PDE11A: variants seen among roughly 807,000 people sequenced by gnomAD.
The protein encoded by PDE11A is dual 3',5'-cyclic-AMP and -GMP phosphodiesterase 11A.
In PDE11A, 100 loss-of-function variants were observed where a neutral mutation model predicts 100.5. The observed-to-expected ratio is 1.00, with a 90% CI of 0.85 to 1.18. The LOEUF is 1.18. Among genes scored for constraint, PDE11A ranks in the 50% most tolerant of loss-of-function variants. PDE11A has a pLI of 0.00. For synonymous variants in PDE11A, 381 were observed against 420.8 expected (o/e 0.91, Z 1.16); for missense variants, 1,141 against 1,152.6 (o/e 0.99, Z 0.15).
At chr2:177,850,276 A>C (rs927725558) in intron 5 of PDE11A, among the ~76,000 whole-genome samples, 23 of 152,286 alleles carry the variant, frequency 1.5e-4, no homozygotes, top group South Asian at 4.1e-4. Context: ...GAAAAACAAG[A>C]AATGGGGAAA....
chr2:178,053,603 A>G lies in PDE11A; in HGVS notation c.912+17923T>C, dbSNP rs575084780. ...CTGTTTGCAGATGAAATGATTGTAT[A>G]TTTAGAAAACCCCATCATCTCAGCC... On this transcript the variant is annotated intron_variant, in intron 1 of 19. Transcript: ENST00000286063. Among the ~76,000 whole-genome samples, 54 of 152,338 alleles carry G rather than the reference A, an allele frequency of 3.5e-4. 1 individual carries two copies. The South Asian group carries it at 0.011, about 30-fold the overall frequency.
rs190480931 is a variant in PDE11A, at chr2:178,043,604, T to C, written c.912+27922A>G. 9.4e-4 allele frequency among the ~76,000 whole-genome samples: 143 copies of C among 152,230 alleles called. 1 individual carries two copies. Among genetic ancestry groups the C allele is most frequent in the African/African-American group, 3.3e-3 (136 of 41,558 alleles). ...GTGATCAGTTTAAACTGCAAAGAAA[T>C]TGAGGCAATTATAAGACTTATTGAT... On this transcript the variant is annotated intron_variant, in intron 1 of 19. Coordinates refer to ENST00000286063, the MANE Select transcript of PDE11A (RefSeq NM_016953.4).
chr2:177,787,181 G>C (rs1394652410), intron 9 of PDE11A, among the ~76,000 whole-genome samples: 1 of 147,008 alleles, frequency 6.8e-6, no homozygotes, highest in Non-Finnish European at 1.5e-5. Flanking sequence ...CAGACTAACA[G>C]CGGATCTCTC....
chr2:177,934,414 G>A (rs1376938878), intron 2 of PDE11A, among the ~76,000 whole-genome samples: 2 of 152,122 alleles, frequency 1.3e-5, no homozygotes, highest in Non-Finnish European at 2.9e-5. Context: ...TCAAAGAAAT[G>A]CAAATCAAAA....
At chr2:177,695,863 T>C (rs1480538012) in intron 15 of PDE11A, among the ~76,000 whole-genome samples, 1 of 152,166 alleles carries the variant, frequency 6.6e-6, no homozygotes, top group African/African-American at 2.4e-5. Flanking sequence ...ACAGTGCTTT[T>C]CAAAGGGAGT....
intron 6 of PDE11A, among the ~76,000 whole-genome samples, chr2:177,837,334 A>T (rs1419686855): frequency 3.3e-5 from 5 of 152,196 alleles, no homozygotes; most frequent in African/African-American, 7.2e-5. Flanking sequence ...GTCAGTAACA[A>T]ACTTTGCTGC....
At chr2:177,895,036 C>T (rs1475988379) in intron 4 of PDE11A, among the ~76,000 whole-genome samples, 1 of 151,990 alleles carries the variant, frequency 6.6e-6, no homozygotes, top group Non-Finnish European at 1.5e-5. Context: ...TTGTATTTTC[C>T]CTGGGCCACT....
At chr2:177,984,773 G>A (rs1413482530) in intron 2 of PDE11A, among the ~76,000 whole-genome samples, 1 of 152,220 alleles carries the variant, frequency 6.6e-6, no homozygotes, top group Non-Finnish European at 1.5e-5. Flanking sequence ...AGAGGTATAA[G>A]TTAATTTGCC....
intron 2 of PDE11A, among the ~76,000 whole-genome samples, chr2:177,945,691 G>C (rs78643001): frequency 6.6e-6 from 1 of 151,122 alleles, no homozygotes; most frequent in African/African-American, 2.4e-5. Context: ...GGTGAGGAGC[G>C]TCTCCGCCCG....
intron 1 of PDE11A, among the ~76,000 whole-genome samples, chr2:178,067,204 C>A (rs2087058668): frequency 6.6e-6 from 1 of 152,132 alleles, no homozygotes; most frequent in South Asian, 2.1e-4. Flanking sequence ...TGACAGTAGA[C>A]TCCTAATCAT....
At chr2:177,760,248 C>T (rs546397961) in intron 10 of PDE11A, among the ~76,000 whole-genome samples, 1 of 152,254 alleles carries the variant, frequency 6.6e-6, no homozygotes, top group South Asian at 2.1e-4. Flanking sequence ...TTATACACTG[C>T]AATTTCTTAG....
intron 5 of PDE11A, among the ~76,000 whole-genome samples, chr2:177,866,602 AG>A (rs1364128049): frequency 9.9e-5 from 15 of 152,246 alleles, no homozygotes. Flanking sequence ...GAAGGAATAT[AG>A]TACAAGACTT....
chr2:178,008,347 T>A (rs942913977), intron 2 of PDE11A, among the ~76,000 whole-genome samples: 1 of 152,206 alleles, frequency 6.6e-6, no homozygotes, highest in African/African-American at 2.4e-5. Context: ...GCTGATTAGT[T>A]GTTTGAGGGT....
intron 12 of PDE11A, among the ~76,000 whole-genome samples, chr2:177,718,059 G>A (rs1156656893): frequency 6.6e-6 from 1 of 152,230 alleles, no homozygotes; most frequent in African/African-American, 2.4e-5. Flanking sequence ...GTGTCATTAA[G>A]TGCCTATTAT....
chr2:177,634,413 G>A (rs965693857), intron 19 of PDE11A, among the ~76,000 whole-genome samples: 2 of 144,270 alleles, frequency 1.4e-5, no homozygotes, highest in Non-Finnish European at 3.0e-5. Flanking sequence ...TTGTGAGAAG[G>A]AGTCTCGCTC....
Position 177,945,591 on chromosome 2 carries a change from C to A in PDE11A, c.1072-40404G>T, listed in dbSNP as rs1458340483. Among the ~76,000 whole-genome samples, 11 of 151,678 alleles carry A rather than the reference C, an allele frequency of 7.3e-5. No homozygotes were observed. In the South Asian group the frequency reaches 2.3e-3, roughly 32 times the overall value. ...GGAGACCCTCTGCCTGGCAACCACC[C>A]CGTCTGAAAAGTGAGGAGCCCCTCC... On this transcript the variant is annotated intron_variant, in intron 2 of 19. Transcript: ENST00000286063.
intron 13 of PDE11A, among the ~76,000 whole-genome samples, chr2:177,708,647 C>T (rs1446917764): frequency 6.6e-6 from 1 of 152,134 alleles, no homozygotes; most frequent in Non-Finnish European, 1.5e-5. Context: ...AACAAACAAG[C>T]AATGTTTTAT....
At chr2:177,669,140 T>G (rs1051905944) in intron 18 of PDE11A, among the ~76,000 whole-genome samples, 3 of 152,228 alleles carry the variant, frequency 2.0e-5, no homozygotes, top group African/African-American at 4.8e-5. Context: ...TTCTCAAAGC[T>G]AGAAAGCCTT....
chr2:177,921,399 C>T (rs2085042956), intron 2 of PDE11A, among the ~76,000 whole-genome samples: 1 of 150,270 alleles, frequency 6.7e-6, no homozygotes, highest in Admixed American at 6.6e-5. Context: ...ATTTGCACTA[C>T]TAGTACTGGT....
Sources: allele counts gnomAD v4.1 joint callset (sites outside exome capture counted in the v4.1 genomes callset), GRCh38; gene constraint gnomAD v4.1.1; transcripts MANE v1.5; gene names NCBI Gene and HGNC (gene_info 2026-07-23, HGNC 2026-07-21).